AACS: variants seen among roughly 807,000 people sequenced by gnomAD.
AACS encodes acetoacetyl-CoA synthetase.
A neutral mutation model predicts 83.1 loss-of-function variants in AACS; 69 were observed. The ratio of observed to expected loss-of-function variants is 0.83; its 90% CI spans 0.68 to 1.01. The LOEUF is 1.01. Ranked by LOEUF, AACS falls within the 50% of genes least tolerant of loss-of-function variation. The pLI is 0.00. For synonymous variants in AACS, 333 were observed against 343.4 expected, an observed-to-expected ratio of 0.97 and a Z score of 0.33; for missense variants, 866 against 882.2, an observed-to-expected ratio of 0.98 and a Z score of 0.23.
intron 9 of AACS, chr12:125,118,369 C>T (rs551308383): frequency 2.4e-6 from 1 of 415,168 alleles, no homozygotes; most frequent in South Asian, 2.2e-5. Flanking sequence ...TTGCTTGTGT[C>T]GATAACACCT....
rs1438273437 is a variant in AACS at position 125,114,467 on chromosome 12, TCCCCTGCAGGGCACCCTCATCCAG to T, written c.916-8_931del. On this transcript the variant is annotated splice_acceptor_variant and splice_polypyrimidine_tract_variant and coding_sequence_variant and intron_variant, in exon 9 of 18. Coordinates refer to ENST00000316519, the MANE Select transcript of AACS (RefSeq NM_023928.5). LOFTEE classifies it high-confidence loss of function. ...CAGAGAGCACCCGCTCCCCCGTGTC[TCCCCTGCAGGGCACCCTCATCCAG>T]CATCTGAAGGAGCACCTGCTGCACG... 11 of 1,611,696 alleles carry T rather than the reference TCCCCTGCAGGGCACCCTCATCCAG, an allele frequency of 6.8e-6. No homozygotes were observed. The highest frequency in any genetic ancestry group is 9.3e-6 in the Non-Finnish European group (11 of 1,179,020).
chr12:125,093,009 T>G (rs1956522867), intron 5 of AACS, among the ~76,000 whole-genome samples: 1 of 152,132 alleles, frequency 6.6e-6, no homozygotes, highest in Non-Finnish European at 1.5e-5. Context: ...TGCCCTGGTG[T>G]CCCCAGAGGG....
In AACS at chr12:125,072,931, T is replaced by G. The variant is rs866681868; in HGVS notation, c.134-945T>G. On this transcript the variant is annotated intron_variant, in intron 1 of 17. Transcript: ENST00000316519. ...CCATGTAACTTTTGTTTTTTTTTTT[T>G]TTTTTTTTTTTTTTGAGATGGAGTT... Among the ~76,000 whole-genome samples the G allele has an allele frequency of 2.3e-4, 32 of 141,928 alleles. 1 individual carries two copies. The highest frequency in any genetic ancestry group is 7.9e-4 in the African/African-American group (30 of 37,806). The allele number at this position is 141,928 out of a possible 152,430, so 93.1% of individuals were successfully genotyped here.
rs1467645275 is a variant in AACS, at chr12:125,065,536, G to A, written c.-49G>A. ...GGTCCCCGGCCCTCGCCTCAGCCCC[G>A]GCCCCTGGTCCCCAGCCCTCGTCGC... On this transcript the variant is annotated 5_prime_UTR_variant, in exon 1 of 18. Transcript: ENST00000316519. 4 of 1,451,306 alleles carry A rather than the reference G, an allele frequency of 2.8e-6. No individual in the cohort carries two copies. The highest frequency in any genetic ancestry group is 2.7e-6 in the Non-Finnish European group (3 of 1,102,062). The allele number at this position is 1,451,306 out of a possible 1,614,324, so 89.9% of individuals were successfully genotyped here. A position where few individuals can be genotyped will look rare whatever the true frequency, so the allele number is the denominator to read the frequency against.
intron 3 of AACS, among the ~76,000 whole-genome samples, chr12:125,082,580 T>G (rs1166740978): frequency 1.3e-5 from 2 of 148,714 alleles, no homozygotes; most frequent in East Asian, 4.0e-4. Flanking sequence ...CCCAGCACTT[T>G]GGGAGCCCGA....
At chr12:125,137,937 A>G (rs1475026194) in intron 17 of AACS, among the ~76,000 whole-genome samples, 1 of 152,240 alleles carries the variant, frequency 6.6e-6, no homozygotes, top group East Asian at 1.9e-4. Context: ...AGGATTTACC[A>G]GGAGAGTCTG....
intron 5 of AACS, among the ~76,000 whole-genome samples, chr12:125,093,796 A>G (rs1449078307): frequency 6.6e-6 from 1 of 152,180 alleles, no homozygotes; most frequent in Non-Finnish European, 1.5e-5. Flanking sequence ...TATAGACTCC[A>G]TCCTGCCGGA....
intron 1 of AACS, among the ~76,000 whole-genome samples, chr12:125,066,693 A>G (rs1314020268): frequency 6.6e-6 from 1 of 151,572 alleles, no homozygotes; most frequent in Non-Finnish European, 1.5e-5. Context: ...AGGTGATCCG[A>G]TCGCCTTGGC....
chr12:125,124,189 G>C (rs1957204984), intron 10 of AACS: 1 of 154,372 alleles, frequency 6.5e-6, no homozygotes, highest in Admixed American at 6.4e-5. Context: ...TAGCTACTTG[G>C]GAGGCTGAGG....
intron 8 of AACS, among the ~76,000 whole-genome samples, chr12:125,107,611 A>C (rs1481345924): frequency 6.6e-6 from 1 of 152,194 alleles, no homozygotes; most frequent in Non-Finnish European, 1.5e-5. Flanking sequence ...TGAACTCAAT[A>C]GGTGGGCCCT....
At chr12:125,096,081 T>C (rs1592967105) in intron 5 of AACS, among the ~76,000 whole-genome samples, 1 of 152,214 alleles carries the variant, frequency 6.6e-6, no homozygotes, top group African/African-American at 2.4e-5. Context: ...TCTCCTGCCT[T>C]AGCCTCCCAA....
intron 17 of AACS, among the ~76,000 whole-genome samples, chr12:125,137,106 G>A (rs1298650360): frequency 6.6e-6 from 1 of 152,190 alleles, no homozygotes; most frequent in African/African-American, 2.4e-5. Flanking sequence ...GGTCCAACTG[G>A]CTTCTCCCTG....
At chr12:125,118,601 C>T in intron 9 of AACS, 40 bp from the exon 10 acceptor site, 2 of 1,611,352 alleles carry the variant, frequency 1.2e-6, no homozygotes, top group Non-Finnish European at 1.7e-6. Context: ...GGGGGAGCTG[C>T]CTAGCGCCCG....
chr12:125,083,307 G>C (rs1161521036), intron 3 of AACS, among the ~76,000 whole-genome samples: 1 of 152,204 alleles, frequency 6.6e-6, no homozygotes, highest in Non-Finnish European at 1.5e-5. Flanking sequence ...GCATCCCCTA[G>C]AGTGAGCCAG....
At chr12:125,080,672 T>C (rs1956153526) in intron 3 of AACS, among the ~76,000 whole-genome samples, 1 of 151,600 alleles carries the variant, frequency 6.6e-6, no homozygotes. Flanking sequence ...TTTTTAAAAT[T>C]ATTTTTTATT....
intron 1 of AACS, among the ~76,000 whole-genome samples, chr12:125,073,377 T>C (rs530065014): frequency 6.6e-6 from 1 of 152,342 alleles, no homozygotes; most frequent in East Asian, 1.9e-4. Flanking sequence ...TTTTCCAATG[T>C]ATCGACTATA....
At chr12:125,116,033 A>G (rs112775900) in intron 9 of AACS, among the ~76,000 whole-genome samples, 2,271 of 152,204 alleles carry the variant, frequency 0.015, 63 homozygotes, top group African/African-American at 0.052. Context: ...AAGGGGCTTG[A>G]GACAAATGAT....
At chr12:125,141,828 T>TA (rs1429380499) in intron 17 of AACS, 1 of 471,680 alleles carries the variant, frequency 2.1e-6, no homozygotes, top group East Asian at 3.7e-5. Context: ...TGGAGAGTGT[T>TA]AGAGTTGAGT....
chr12:125,103,355 A>C (rs1310802039), intron 7 of AACS, among the ~76,000 whole-genome samples: 1 of 152,238 alleles, frequency 6.6e-6, no homozygotes, highest in Admixed American at 6.5e-5. Flanking sequence ...TGATGGGGCC[A>C]AGCCCACCTT....
Sources: gnomAD v4.1 joint callset for allele counts (sites outside exome capture counted in the v4.1 genomes callset) on GRCh38, gnomAD v4.1.1 for gene constraint, MANE v1.5 for transcripts, NCBI Gene and HGNC (gene_info 2026-07-23, HGNC 2026-07-21) for gene names.